Variants in ADAMTS18 observed in about 807,000 individuals in gnomAD.
The protein encoded by ADAMTS18 is A disintegrin and metalloproteinase with thrombospondin motifs 18.
ADAMTS18 carries 157 observed loss-of-function variants against 165.9 expected under a neutral mutation model. The observed-to-expected ratio is 0.95, with a 90% CI of 0.83 to 1.08. ADAMTS18 has a LOEUF of 1.08. ADAMTS18 is among the 50% of genes least tolerant of loss of function. The probability of loss-of-function intolerance (pLI) is 0.00; values close to 1 mark genes in which losing one functional copy is unlikely to be tolerated. For synonymous variants in ADAMTS18, 782 were observed against 578.2 expected (o/e 1.35, Z -5.06); for missense variants, 2,040 against 1,534.0 (o/e 1.33, Z -5.51).
intron 10 of ADAMTS18, among the ~76,000 whole-genome samples, chr16:77,343,481 A>C (rs144523920): frequency 0.013 from 1,911 of 152,352 alleles, 28 homozygotes; most frequent in South Asian, 0.045. Context: ...GGGAACTAAT[A>C]CTTTTACTAC....
intron 3 of ADAMTS18, among the ~76,000 whole-genome samples, chr16:77,390,908 T>G (rs2057177718): frequency 6.6e-6 from 1 of 152,184 alleles, no homozygotes; most frequent in Non-Finnish European, 1.5e-5. Flanking sequence ...GGTTGGCAGC[T>G]ACCATACTAA....
intron 20 of ADAMTS18, 44 bp from the exon 21 acceptor site, chr16:77,291,522 T>C: frequency 1.3e-6 from 2 of 1,587,984 alleles, no homozygotes; most frequent in East Asian, 4.5e-5. Flanking sequence ...ACTGCCAGGA[T>C]CACATCTTCT....
At chr16:77,373,265 G>C (rs565635167) in intron 3 of ADAMTS18, among the ~76,000 whole-genome samples, 41 of 152,042 alleles carry the variant, frequency 2.7e-4, no homozygotes, top group Admixed American at 1.5e-3. Flanking sequence ...CTGAGGTCAG[G>C]AGATTGAGAA....
intron 3 of ADAMTS18, among the ~76,000 whole-genome samples, chr16:77,430,615 C>A (rs947099790): frequency 6.6e-6 from 1 of 152,162 alleles, no homozygotes; most frequent in Non-Finnish European, 1.5e-5. Flanking sequence ...TTTACCGCCT[C>A]GTATATTTGA....
At chr16:77,428,106 C>G (rs1463829672) in intron 3 of ADAMTS18, among the ~76,000 whole-genome samples, 1 of 152,184 alleles carries the variant, frequency 6.6e-6, no homozygotes, top group Admixed American at 6.5e-5. Context: ...CAAAAGGACC[C>G]TAAGGCCAGT....
At chr16:77,403,220 A>G (rs1481476938) in intron 3 of ADAMTS18, among the ~76,000 whole-genome samples, 1 of 152,226 alleles carries the variant, frequency 6.6e-6, no homozygotes, top group African/African-American at 2.4e-5. Flanking sequence ...AATTATTAAG[A>G]AAGTGTTAGT....
At chr16:77,346,131 C>T (rs1402231795) in intron 10 of ADAMTS18, among the ~76,000 whole-genome samples, 1 of 152,194 alleles carries the variant, frequency 6.6e-6, no homozygotes, top group East Asian at 1.9e-4. Flanking sequence ...GCCTAAATTT[C>T]ACCTCCTGTG....
chr16:77,359,962 T>A (rs1057252929), intron 7 of ADAMTS18, among the ~76,000 whole-genome samples: 2 of 152,226 alleles, frequency 1.3e-5, no homozygotes, highest in Non-Finnish European at 2.9e-5. Context: ...ATGTGGTAAG[T>A]GCTTCTGTTC....
chr16:77,371,820 T>A (rs150517420), intron 3 of ADAMTS18, among the ~76,000 whole-genome samples: 1 of 152,008 alleles, frequency 6.6e-6, no homozygotes, highest in African/African-American at 2.4e-5. Flanking sequence ...AAACAATCAA[T>A]AGACTAAGGA....
intron 16 of ADAMTS18, among the ~76,000 whole-genome samples, chr16:77,301,844 T>C (rs1424428691): frequency 2.6e-5 from 4 of 152,170 alleles, no homozygotes; most frequent in African/African-American, 4.8e-5. Flanking sequence ...CAAATGTTAA[T>C]AGATGGATCT....
chr16:77,346,299 A>G (rs1387079892), intron 10 of ADAMTS18, among the ~76,000 whole-genome samples: 1 of 152,192 alleles, frequency 6.6e-6, no homozygotes, highest in Non-Finnish European at 1.5e-5. Flanking sequence ...ACTAGCCACG[A>G]GAGTACAGAA....
In ADAMTS18 at chr16:77,422,539, T is replaced by TG. The variant is rs1277704765; in HGVS notation, c.495+8755dup. Among the ~76,000 whole-genome samples, 15 of 85,226 alleles carry TG rather than the reference T, an allele frequency of 1.8e-4. No individual in the cohort carries two copies. In the East Asian group the frequency reaches 4.0e-3, roughly 23 times the overall value. The allele number at this position is 85,226 out of a possible 152,430, so 55.9% of individuals were successfully genotyped here. On this transcript the variant is annotated intron_variant, in intron 3 of 22. Coordinates refer to ENST00000282849, the MANE Select transcript of ADAMTS18 (RefSeq NM_199355.4). ...TGGGGAGGGAGGGAAGAGAGGAGAG[T>TG]GAAAAAAAAAGAGGAAGGAAGGGAG... is the stretch of plus-strand genomic sequence containing the variant.
At chr16:77,304,704 A>C (rs2055650071) in intron 16 of ADAMTS18, among the ~76,000 whole-genome samples, 1 of 152,248 alleles carries the variant, frequency 6.6e-6, no homozygotes, top group African/African-American at 2.4e-5. Flanking sequence ...TATCTGGCCA[A>C]AAGAAAAAGA....
intron 16 of ADAMTS18, among the ~76,000 whole-genome samples, chr16:77,318,779 T>C (rs571651221): frequency 1.3e-5 from 2 of 152,290 alleles, no homozygotes; most frequent in African/African-American, 4.8e-5. Context: ...CTTGATTCCT[T>C]ATTTTTCTGG....
Position 77,289,282 on chromosome 16 carries a change from G to C in ADAMTS18, c.3532C>G (p.Pro1178Ala). 1.2e-6 allele frequency: 2 copies of C among 1,614,128 alleles called. No individual in the cohort carries two copies. Among genetic ancestry groups the C allele is most frequent in the Non-Finnish European group, 1.7e-6 (2 of 1,179,994 alleles). Residue 1178 changes from proline to alanine, a missense_variant, in exon 22 of 23, where the codon CCA (proline) becomes GCA (alanine). Coordinates refer to ENST00000282849, the MANE Select transcript of ADAMTS18 (RefSeq NM_199355.4). ...TTTTTACCTCTCTTTTCAGGAGCTGGACAGAAGTTTGTATTACAGGCTCGT... is the reference window on the plus strand; with the variant it reads ...TTTTTACCTCTCTTTTCAGGAGCTGCACAGAAGTTTGTATTACAGGCTCGT... ...VLRACNTNFCPAPEKREDPSC... is the reference protein window; with the variant it reads ...VLRACNTNFCAAPEKREDPSC...
intron 3 of ADAMTS18, among the ~76,000 whole-genome samples, chr16:77,419,057 G>C (rs2057566792): frequency 6.6e-6 from 1 of 152,166 alleles, no homozygotes; most frequent in African/African-American, 2.4e-5. Flanking sequence ...GCTGAGACAG[G>C]AGAAATGCTT....
Position 77,282,884 on chromosome 16 carries a change from C to CTGTT in ADAMTS18, c.*1068_*1071dup, listed in dbSNP as rs1397487253. On this transcript the variant is annotated 3_prime_UTR_variant, in exon 23 of 23. Transcript: ENST00000282849. ...AGACAGATGGATTTTTTTATTACCA[C>CTGTT]TGTTTACTCCTTTCTTTCTCTCTTT... The CTGTT allele has an allele frequency of 7.1e-6, 1 of 140,590 alleles. No homozygotes were observed. Among genetic ancestry groups the CTGTT allele is most frequent in the East Asian group, 2.0e-4 (1 of 4,904 alleles). 8.7% of individuals were successfully genotyped at this position (140,590 alleles called of 1,614,324 possible).
chr16:77,411,121 G>A (rs911740002), intron 3 of ADAMTS18, among the ~76,000 whole-genome samples: 1 of 152,188 alleles, frequency 6.6e-6, no homozygotes, highest in Non-Finnish European at 1.5e-5. Context: ...TTATTGTGAT[G>A]CTTGATGCTT....
intron 3 of ADAMTS18, among the ~76,000 whole-genome samples, chr16:77,396,332 G>C (rs1328321498): frequency 6.6e-6 from 1 of 152,160 alleles, no homozygotes; most frequent in African/African-American, 2.4e-5. Context: ...TCAGCAGAAA[G>C]AAATTTATCA....
Sources: gnomAD v4.1 joint callset for allele counts (sites outside exome capture counted in the v4.1 genomes callset) on GRCh38, gnomAD v4.1.1 for gene constraint, MANE v1.5 for transcripts, NCBI Gene and HGNC (gene_info 2026-07-23, HGNC 2026-07-21) for gene names.